Variants in RANBP9 observed in about 807,000 individuals in gnomAD.
The protein encoded by RANBP9 is ran-binding protein 9.
RANBP9 carries 15 observed loss-of-function variants against 84.3 expected under a neutral mutation model. The observed-to-expected ratio is 0.18, with a 90% confidence interval of 0.12 to 0.27. The LOEUF (loss-of-function observed/expected upper bound fraction) is 0.27, where lower values mean the gene tolerates loss of function less well. RANBP9 is among the 10% of genes least tolerant of loss of function. The pLI, the probability that RANBP9 is intolerant of heterozygous loss-of-function variation, is 1.00. For synonymous variants in RANBP9, 392 were observed against 349.6 expected (o/e 1.12, Z -1.35); for missense variants, 809 against 912.8 (o/e 0.89, Z 1.46).
At chr6:13,658,660 T>A (rs1242012930) in intron 3 of RANBP9, 120 bp downstream of exon 3, 5 of 884,036 alleles carry the variant, frequency 5.7e-6, no homozygotes, top group South Asian at 4.8e-5. Context: ...TTAAAATTCA[T>A]AATGATGATT....
chr6:13,665,139 A>G (rs1288319408), intron 2 of RANBP9, among the ~76,000 whole-genome samples: 1 of 152,194 alleles, frequency 6.6e-6, no homozygotes, highest in East Asian at 1.9e-4. Context: ...CTAAATATAA[A>G]TGTTAAAAAC....
At chr6:13,654,597 C>G (rs1019904603) in intron 4 of RANBP9, among the ~76,000 whole-genome samples, 2 of 152,090 alleles carry the variant, frequency 1.3e-5, no homozygotes, top group African/African-American at 4.8e-5. Flanking sequence ...AGAACCTAGA[C>G]CAGAGGTAGG....
chr6:13,710,153 G>A (rs1379620348), intron 1 of RANBP9, among the ~76,000 whole-genome samples: 1 of 152,184 alleles, frequency 6.6e-6, no homozygotes, highest in Non-Finnish European at 1.5e-5. Flanking sequence ...GCAAGCACAA[G>A]CCTAAGGTTG....
chr6:13,625,573 G>C (rs1764578920), intron 13 of RANBP9, 80 bp downstream of exon 13: 1 of 875,400 alleles, frequency 1.1e-6, no homozygotes, highest in Non-Finnish European at 1.8e-6. Context: ...TTTTACCAAA[G>C]TGTAAATGCC....
chr6:13,661,239 G>C (rs1352865839), intron 2 of RANBP9, among the ~76,000 whole-genome samples: 1 of 152,142 alleles, frequency 6.6e-6, no homozygotes, highest in African/African-American at 2.4e-5. Context: ...TTATTGAATG[G>C]ATCCATGACA....
intron 2 of RANBP9, among the ~76,000 whole-genome samples, 189 bp from the exon 3 acceptor site, chr6:13,659,021 T>G (rs536971347): frequency 1.3e-5 from 2 of 152,154 alleles, no homozygotes; most frequent in East Asian, 1.9e-4. Flanking sequence ...ATACTCAGAC[T>G]TCACAGCAAA....
At position 13,711,014 on chromosome 6, in the gene RANBP9, C is replaced by T; in HGVS notation, c.492G>A (p.Pro164=). ...LYPAVDEQET[P]LPRSWSPKDK... is the part of the protein sequence containing the mutation. ...CCTTCGGGCTCCAGGACCGAGGCAG[C>T]GGCGTCTCTTGTTCGTCCACGGCCG... The change falls in exon 1 of 14, where the codon CCG becomes CCA. Residue 164 remains proline (P), a synonymous_variant. Coordinates refer to ENST00000011619, the MANE Select transcript of RANBP9 (RefSeq NM_005493.3). 6.2e-7 allele frequency: 1 copy of T among 1,606,056 alleles called. No individual in the cohort carries two copies.
intron 2 of RANBP9, among the ~76,000 whole-genome samples, chr6:13,677,713 GAACA>G (rs1449511896): frequency 6.6e-6 from 1 of 151,998 alleles, no homozygotes; most frequent in Non-Finnish European, 1.5e-5. Context: ...TCATGTAAAA[GAACA>G]AACTTTAACA....
rs1184562894 is a variant in RANBP9 at position 13,711,414 on chromosome 6, G to A, written c.92C>T (p.Ser31Phe). ...CGGGGGCGCCGGCAGGACGACTCCGGAGACTGGGGCCAAGGCCGCCGGCGG... is the reference window on the plus strand; with the variant it reads ...CGGGGGCGCCGGCAGGACGACTCCGAAGACTGGGGCCAAGGCCGCCGGCGG... ...PPPPAALAPVSGVVLPAPPAV... is the reference protein window; with the variant it reads ...PPPPAALAPVFGVVLPAPPAV... Residue 31 changes from serine (S) to phenylalanine (F), a missense_variant, in exon 1 of 14, where the codon TCC (serine) becomes TTC (phenylalanine). By Grantham distance (155) the Ser-to-Phe change is radical. This residue lies in a region of RANBP9 where 302 missense variants were observed against 240.1 expected (regional missense o/e 1.26). Transcript: ENST00000011619. The A allele has an allele frequency of 3.4e-6, 4 of 1,188,856 alleles. No homozygotes were observed. The highest frequency in any genetic ancestry group is 3.3e-4 in the Middle Eastern group (1 of 2,996). The allele number at this position is 1,188,856 out of a possible 1,614,324, so 73.6% of individuals were successfully genotyped here.
rs573613067 is a variant in RANBP9 at position 13,625,378 on chromosome 6, C to T, written c.2059+275G>A. On this transcript the variant is annotated intron_variant, in intron 13 of 13. Transcript: ENST00000011619. ...CATTCTAATGAGAGAAGTAGACATT[C>T]GTGGCTACCAGAAATGCTTACATAC... Among the ~76,000 whole-genome samples the T allele has an allele frequency of 2.6e-5, 4 of 152,230 alleles. No individual in the cohort carries two copies. In the South Asian group the frequency reaches 6.2e-4, roughly 24 times the overall value.
At position 13,625,695 on chromosome 6, in the gene RANBP9, G is replaced by C. The variant is rs771857675; in HGVS notation, c.2017C>G (p.Gln673Glu). The change falls in exon 13 of 14, where the codon CAG becomes GAG. Residue 673 changes from glutamine to glutamate, a missense_variant. This residue lies in a region of RANBP9 where 233 missense variants were observed against 234.4 expected (regional missense o/e 0.99). Transcript: ENST00000011619. The stretch of plus-strand genomic sequence containing the variant: ...AGAGCTGAGCACACAGGTTCTCTCT[G>C]AATCGGGTCAAGCTGATTTCCAACT... ...SPVGNQLDPIQREPVCSALNS... is the reference protein window; with the variant it reads ...SPVGNQLDPIEREPVCSALNS... 6.8e-6 allele frequency: 11 copies of C among 1,613,054 alleles called. No individual in the cohort carries two copies. The highest frequency in any genetic ancestry group is 9.3e-6 in the Non-Finnish European group (11 of 1,179,190).
chr6:13,673,311 G>A (rs1487653267), intron 2 of RANBP9, among the ~76,000 whole-genome samples: 1 of 152,162 alleles, frequency 6.6e-6, no homozygotes, highest in Admixed American at 6.5e-5. Context: ...TTATCCCTCA[G>A]AAGTGAAAGA....
intron 1 of RANBP9, among the ~76,000 whole-genome samples, chr6:13,710,400 G>C (rs1758244070): frequency 6.6e-6 from 1 of 152,008 alleles, no homozygotes; most frequent in South Asian, 2.1e-4. Flanking sequence ...TGGCAAACTT[G>C]GGCCCCTTGT....
chr6:13,694,407 A>G (rs1329427993), intron 2 of RANBP9, among the ~76,000 whole-genome samples: 1 of 152,254 alleles, frequency 6.6e-6, no homozygotes, highest in Non-Finnish European at 1.5e-5. Context: ...TTAAAAGGCT[A>G]CAAACTATAT....
In RANBP9 at chr6:13,642,517, G is replaced by T; in HGVS notation, c.1187C>A (p.Thr396Asn). 6.2e-7 allele frequency: 1 copy of T among 1,610,206 alleles called. No homozygotes were observed. The highest frequency in any genetic ancestry group is 8.5e-7 in the Non-Finnish European group (1 of 1,177,364). ...AEAFARSTDQTVLEELASIKN... is the reference protein window; with the variant it reads ...AEAFARSTDQNVLEELASIKN... ...AATGGAAGCTAATTCTTCTAGAACG[G>T]TCTGGTCTGTAGATCTGGCAAAGGC... The change falls in exon 7 of 14, where the codon ACC becomes AAC. Residue 396 changes from threonine (T) to asparagine (N), a missense_variant. Physicochemically the swap from Thr to Asn is moderately conservative, Grantham distance 65. This residue lies in a region of RANBP9 where 216 missense variants were observed against 329.0 expected (regional missense o/e 0.66). Coordinates refer to ENST00000011619, the MANE Select transcript of RANBP9 (RefSeq NM_005493.3).
intron 5 of RANBP9, among the ~76,000 whole-genome samples, chr6:13,652,330 G>A (rs535419529): frequency 3.9e-5 from 6 of 152,310 alleles, no homozygotes; most frequent in Admixed American, 3.3e-4. Flanking sequence ...TAGCTTGGAT[G>A]AATAAACGAT....
At chr6:13,675,879 TTTAGATGAAA>T (rs1765875283) in intron 2 of RANBP9, among the ~76,000 whole-genome samples, 2 of 152,010 alleles carry the variant, frequency 1.3e-5, no homozygotes, top group Non-Finnish European at 2.9e-5. Context: ...AATTTGATTA[TTTAGATGAAA>T]TGGATTTCAA....
intron 6 of RANBP9, among the ~76,000 whole-genome samples, chr6:13,642,867 T>C (rs182239868): frequency 6.6e-5 from 10 of 152,328 alleles, no homozygotes; most frequent in Admixed American, 5.2e-4. Context: ...AATGACCTTT[T>C]CTTTGATTCT....
chr6:13,671,003 A>G (rs559773495), intron 2 of RANBP9, among the ~76,000 whole-genome samples: 1 of 152,270 alleles, frequency 6.6e-6, no homozygotes, highest in Non-Finnish European at 1.5e-5. Context: ...CCCTACTAAA[A>G]CAATGGGCAA....
Sources: gnomAD v4.1 joint callset for allele counts (sites outside exome capture counted in the v4.1 genomes callset) on GRCh38, gnomAD v4.1.1 for gene constraint, gnomAD v4.1.1 regional missense constraint, MANE v1.5 for transcripts, NCBI Gene and HGNC (gene_info 2026-07-23, HGNC 2026-07-21) for gene names.